The following CCDC192 variants were observed in gnomAD, a reference collection of about 807,000 sequenced individuals.
CCDC192 encodes coiled-coil domain-containing protein 192.
chr5:127,808,851 T>C (rs1561500595), intron 5 of CCDC192, among the ~76,000 whole-genome samples: 2 of 152,168 alleles, frequency 1.3e-5, no homozygotes, highest in African/African-American at 2.4e-5. Flanking sequence ...AGGTGCTCAG[T>C]AAATACCTTG....
chr5:127,808,962 G>A (rs1757937431), intron 5 of CCDC192, among the ~76,000 whole-genome samples: 1 of 152,090 alleles, frequency 6.6e-6, no homozygotes, highest in South Asian at 2.1e-4. Context: ...GCAGTTAAGT[G>A]TGTCTCTCTA....
chr5:127,852,547 G>A (rs1750846277), intron 5 of CCDC192, among the ~76,000 whole-genome samples: 1 of 152,102 alleles, frequency 6.6e-6, no homozygotes, highest in Admixed American at 6.5e-5. Context: ...ACGTTTCGGG[G>A]TCCCAGGTTG....
intron 6 of CCDC192, among the ~76,000 whole-genome samples, chr5:127,918,945 A>G (rs1414468175): frequency 1.4e-5 from 2 of 144,974 alleles, no homozygotes; most frequent in Admixed American, 7.0e-5. Flanking sequence ...GTGTGTATAT[A>G]TGTGTATATA....
intron 2 of CCDC192, among the ~76,000 whole-genome samples, chr5:127,738,170 T>C (rs1040188339): frequency 2.0e-5 from 3 of 151,682 alleles, no homozygotes; most frequent in Middle Eastern, 3.2e-3. Flanking sequence ...TAAAGTATTT[T>C]ATTTCTCCTT....
chr5:127,779,227 G>A (rs1756046452), intron 3 of CCDC192, among the ~76,000 whole-genome samples: 1 of 151,878 alleles, frequency 6.6e-6, no homozygotes, highest in Admixed American at 6.6e-5. Context: ...CATCACATAA[G>A]TTTTTTTCTA....
At chr5:127,749,961 C>T (rs867977958) in intron 2 of CCDC192, among the ~76,000 whole-genome samples, 1 of 151,766 alleles carries the variant, frequency 6.6e-6, no homozygotes, top group Non-Finnish European at 1.5e-5. Context: ...GTGGTGATAT[C>T]CCCTTTATCA....
At chr5:127,784,816 T>C (rs1449910843) in intron 3 of CCDC192, 1 of 473,920 alleles carries the variant, frequency 2.1e-6, no homozygotes, top group Non-Finnish European at 4.1e-6. Context: ...TCTGAATCAG[T>C]AGTTTGCAGT....
chr5:127,868,850 G>A (rs1358357380), intron 5 of CCDC192, among the ~76,000 whole-genome samples: 3 of 152,146 alleles, frequency 2.0e-5, no homozygotes, highest in African/African-American at 7.2e-5. Context: ...AGGACACTGG[G>A]TAAGACACTG....
At chr5:127,805,296 G>A (rs1279779184) in intron 5 of CCDC192, among the ~76,000 whole-genome samples, 1 of 152,166 alleles carries the variant, frequency 6.6e-6, no homozygotes, top group African/African-American at 2.4e-5. Flanking sequence ...TTGATCAGCA[G>A]AAGAAAGTGA....
chr5:127,815,873 A>G (rs988751793), intron 5 of CCDC192, among the ~76,000 whole-genome samples: 2 of 151,886 alleles, frequency 1.3e-5, no homozygotes, highest in African/African-American at 2.4e-5. Context: ...GTCTGAAAAA[A>G]AAAATAAAAA....
At chr5:127,797,625 A>G (rs576190045) in intron 4 of CCDC192, among the ~76,000 whole-genome samples, 1 of 150,882 alleles carries the variant, frequency 6.6e-6, no homozygotes, top group South Asian at 2.1e-4. Flanking sequence ...GAAATGATTA[A>G]TCTCTGAATA....
At chr5:127,825,090 A>G (rs1450132389) in intron 5 of CCDC192, among the ~76,000 whole-genome samples, 1 of 152,362 alleles carries the variant, frequency 6.6e-6, no homozygotes, top group Non-Finnish European at 1.5e-5. Context: ...AGGTATCTTC[A>G]TCAAGTGTTT....
At chr5:127,744,714 G>T (rs1753638426) in intron 2 of CCDC192, among the ~76,000 whole-genome samples, 1 of 152,084 alleles carries the variant, frequency 6.6e-6, no homozygotes, top group African/African-American at 2.4e-5. Context: ...TGTCCCCATG[G>T]GTATTTTCTT....
At chr5:127,847,390 T>A (rs1750603682) in intron 5 of CCDC192, among the ~76,000 whole-genome samples, 1 of 152,236 alleles carries the variant, frequency 6.6e-6, no homozygotes, top group East Asian at 1.9e-4. Flanking sequence ...TGACAGTATT[T>A]CTTTTAAAGA....
intron 2 of CCDC192, chr5:127,739,537 C>T (rs1021554568): frequency 3.7e-5 from 6 of 161,360 alleles, no homozygotes; most frequent in South Asian, 2.0e-4. Context: ...GCCTCGCTGC[C>T]GCCTTGCAGT....
intron 2 of CCDC192, among the ~76,000 whole-genome samples, chr5:127,718,646 T>A (rs1751779842): frequency 6.6e-6 from 1 of 152,160 alleles, no homozygotes. Flanking sequence ...TAAAATCAGA[T>A]TTTATGTGCA....
intron 6 of CCDC192, among the ~76,000 whole-genome samples, chr5:127,890,145 G>A (rs1449718848): frequency 6.6e-6 from 1 of 152,090 alleles, no homozygotes; most frequent in Non-Finnish European, 1.5e-5. Context: ...AGGCCAAGCT[G>A]GAGGATGGCT....
At chr5:127,889,324 A>G (rs995698548) in intron 6 of CCDC192, among the ~76,000 whole-genome samples, 1 of 152,150 alleles carries the variant, frequency 6.6e-6, no homozygotes, top group Non-Finnish European at 1.5e-5. Context: ...GGCAATAAAT[A>G]AGTAAATACT....
intron 2 of CCDC192, among the ~76,000 whole-genome samples, chr5:127,719,558 T>TACACACACACACAC (rs372022175): frequency 2.4e-4 from 5 of 20,870 alleles, no homozygotes; most frequent in East Asian, 1.1e-3. Flanking sequence ...TATATATATA[T>TACACACACACACAC]ACACACATAC....
Sources: gnomAD v4.1 joint callset for allele counts (sites outside exome capture counted in the v4.1 genomes callset) on GRCh38, gnomAD v4.1.1 for gene constraint, MANE v1.5 for transcripts, NCBI Gene and HGNC (gene_info 2026-07-23, HGNC 2026-07-21) for gene names.